The following LINGO2 variants were observed in gnomAD, a reference collection of about 807,000 sequenced individuals.
LINGO2 encodes the protein leucine rich repeat and Ig domain containing 2, also known as leucine-rich repeat and immunoglobulin-like domain-containing nogo receptor-interacting protein 2.
LINGO2 carries 14 observed loss-of-function variants against 30.6 expected under a neutral mutation model. The observed-to-expected ratio is 0.46, with a 90% CI of 0.30 to 0.72. The LOEUF (loss-of-function observed/expected upper bound fraction) is 0.72, where lower values mean the gene tolerates loss of function less well. LINGO2 is among the 30% of genes least tolerant of loss of function. The pLI, the probability that LINGO2 is intolerant of heterozygous loss-of-function variation, is 0.07. For missense variants in LINGO2, 729 were observed against 751.7 expected, an observed-to-expected ratio of 0.97 and a Z score of 0.35; for synonymous variants, 317 against 288.5, an observed-to-expected ratio of 1.10 and a Z score of -1.00.
intron 1 of LINGO2, among the ~76,000 whole-genome samples, chr9:28,489,462 G>T (rs76922928): frequency 6.6e-6 from 1 of 152,082 alleles, no homozygotes; most frequent in Admixed American, 6.6e-5. Flanking sequence ...AAGTCACTGC[G>T]TCCAGCCCAT....
the LINGO2 span, among the ~76,000 whole-genome samples, chr9:28,877,715 G>A: frequency 6.6e-6 from 1 of 152,126 alleles, no homozygotes; most frequent in Non-Finnish European, 1.5e-5. Context: ...TTTTGGCTTA[G>A]GATTGACTTG....
At chr9:28,546,697 A>G (rs1821967318) in intron 1 of LINGO2, among the ~76,000 whole-genome samples, 2 of 151,966 alleles carry the variant, frequency 1.3e-5, no homozygotes, top group African/African-American at 2.4e-5. Context: ...GCCTGCCTTG[A>G]GGGAGAAAAG....
chr9:28,873,162 A>G, the LINGO2 span, among the ~76,000 whole-genome samples: 1 of 151,982 alleles, frequency 6.6e-6, no homozygotes, highest in Non-Finnish European at 1.5e-5. Flanking sequence ...TGAGGTCAGG[A>G]GTTCAAAATC....
chr9:28,476,538 G>A (rs1196528749), intron 1 of LINGO2, among the ~76,000 whole-genome samples: 1 of 152,040 alleles, frequency 6.6e-6, no homozygotes, highest in East Asian at 1.9e-4. Flanking sequence ...GCCTCCCAAA[G>A]TGCTGGGATT....
the LINGO2 span, among the ~76,000 whole-genome samples, chr9:28,848,389 GTGTGTGTGTATATATATA>G: frequency 5.7e-5 from 3 of 52,274 alleles, no homozygotes; most frequent in African/African-American, 1.8e-4. Context: ...GTGTGTGTGT[GTGTGTGTGTATATATATA>G]TATATATATA....
chr9:28,875,868 C>CTAA, the LINGO2 span, among the ~76,000 whole-genome samples: 1 of 152,036 alleles, frequency 6.6e-6, no homozygotes, highest in African/African-American at 2.4e-5. Flanking sequence ...TTTCCTGGTC[C>CTAA]TAATGCTTAA....
chr9:28,857,878 T>C, the LINGO2 span, among the ~76,000 whole-genome samples: 1 of 152,016 alleles, frequency 6.6e-6, no homozygotes, highest in East Asian at 1.9e-4. Flanking sequence ...TTGAAATTAA[T>C]TTCACCTATT....
intron 4 of LINGO2, among the ~76,000 whole-genome samples, chr9:28,038,123 T>A (rs929068871): frequency 6.6e-6 from 1 of 152,114 alleles, no homozygotes. Flanking sequence ...GAAAAATGAG[T>A]CCGGAATTTC....
At chr9:29,020,378 T>C in the LINGO2 span, among the ~76,000 whole-genome samples, 1 of 152,164 alleles carries the variant, frequency 6.6e-6, no homozygotes, top group Non-Finnish European at 1.5e-5. Context: ...AAAATCTCAA[T>C]ACATTTTACT....
chr9:29,171,213 A>G, the LINGO2 span, among the ~76,000 whole-genome samples: 1 of 152,104 alleles, frequency 6.6e-6, no homozygotes, highest in Non-Finnish European at 1.5e-5. Flanking sequence ...GAAAATTTGC[A>G]TATGGTTCCT....
the LINGO2 span, among the ~76,000 whole-genome samples, chr9:28,867,384 G>A: frequency 8.6e-5 from 13 of 151,204 alleles, no homozygotes; most frequent in Non-Finnish European, 1.9e-4. Context: ...AATAAACAAT[G>A]CAAGTCAGGG....
the LINGO2 span, among the ~76,000 whole-genome samples, chr9:29,080,053 A>AGCTGGGAATCCATCTGGTCCTGGACTTT: frequency 6.6e-6 from 1 of 151,910 alleles, no homozygotes; most frequent in African/African-American, 2.4e-5. Context: ...AAATTTTCAT[A>AGCTGGGAATCCATCTGGTCCTGGACTTT]GCTGGGAATC....
intron 4 of LINGO2, among the ~76,000 whole-genome samples, chr9:28,038,782 T>G (rs1423906946): frequency 6.6e-6 from 1 of 151,778 alleles, no homozygotes; most frequent in Non-Finnish European, 1.5e-5. Context: ...ACAAACAAAA[T>G]GTACATTCAA....
the LINGO2 span, among the ~76,000 whole-genome samples, chr9:28,703,323 T>C: frequency 6.6e-6 from 1 of 151,934 alleles, no homozygotes; most frequent in Non-Finnish European, 1.5e-5. Flanking sequence ...GTATTTTCAT[T>C]GCCATTTATT....
the LINGO2 span, among the ~76,000 whole-genome samples, chr9:29,207,302 T>C: frequency 8.5e-5 from 13 of 152,122 alleles, no homozygotes; most frequent in African/African-American, 2.9e-4. Context: ...CAAGGCACTG[T>C]TGTTGACTCT....
chr9:28,976,650 A>C, the LINGO2 span, among the ~76,000 whole-genome samples: 1 of 152,174 alleles, frequency 6.6e-6, no homozygotes, highest in Non-Finnish European at 1.5e-5. Flanking sequence ...CTATTTCAAA[A>C]CACTGATAGG....
chr9:28,429,702 T>C (rs1823567893), intron 2 of LINGO2, among the ~76,000 whole-genome samples: 1 of 152,214 alleles, frequency 6.6e-6, no homozygotes, highest in South Asian at 2.1e-4. Flanking sequence ...CTAATTACCA[T>C]ACTCATCACC....
At chr9:28,995,250 C>T in the LINGO2 span, among the ~76,000 whole-genome samples, 10 of 152,128 alleles carry the variant, frequency 6.6e-5, no homozygotes, top group South Asian at 4.1e-4. Context: ...ATTTATGCTG[C>T]CAAAAAACAC....
At chr9:28,055,735 A>T (rs1004884089) in intron 4 of LINGO2, among the ~76,000 whole-genome samples, 1 of 152,190 alleles carries the variant, frequency 6.6e-6, no homozygotes, top group Admixed American at 6.6e-5. Flanking sequence ...ATATGTACTC[A>T]AAGACAAGTC....
Sources: gnomAD v4.1 joint callset for allele counts (sites outside exome capture counted in the v4.1 genomes callset) on GRCh38, gnomAD v4.1.1 for gene constraint, MANE v1.5 for transcripts, NCBI Gene and HGNC (gene_info 2026-07-23, HGNC 2026-07-21) for gene names.